The following EMCN variants were observed in gnomAD, a reference collection of about 807,000 sequenced individuals.
The protein encoded by EMCN is MUC-14.
A neutral mutation model predicts 38.4 loss-of-function variants in EMCN; 37 were observed. The observed-to-expected ratio is 0.96, with a 90% confidence interval of 0.74 to 1.27. EMCN has a LOEUF of 1.27. Among genes scored for constraint, EMCN ranks in the 50% most tolerant of loss-of-function variants. The pLI is 0.00. For missense variants in EMCN, 318 were observed against 302.8 expected, an observed-to-expected ratio of 1.05 and a Z score of -0.37; for synonymous variants, 95 against 100.8, an observed-to-expected ratio of 0.94 and a Z score of 0.35.
At chr4:100,447,615 T>G in intron 4 of EMCN, 44 bp from the exon 5 acceptor site, 1 of 1,248,566 alleles carries the variant, frequency 8.0e-7, no homozygotes, top group Non-Finnish European at 1.2e-6. Flanking sequence ...AATTAAATGT[T>G]GAATATCAGA....
intron 1 of EMCN, among the ~76,000 whole-genome samples, chr4:100,507,056 T>A (rs115332339): frequency 0.039 from 5,863 of 152,276 alleles, 130 homozygotes; most frequent in Non-Finnish European, 0.053. Flanking sequence ...CACTTGAAAC[T>A]TTGAAGGGAA....
In EMCN at chr4:100,448,839, C is replaced by CTTCCTTCCTTCCTTA. The variant is rs1560619352; in HGVS notation, c.377-1269_377-1268insTAAGGAAGGAAGGAA. Reference sequence around the variant, plus strand: ...TCCTTCCTTCCTCCCTCCCTCCCTCCCTCCCTTCCTTGCTTTCTGGCTTGC... The same window carrying CTTCCTTCCTTCCTTA: ...TCCTTCCTTCCTCCCTCCCTCCCTCCTTCCTTCCTTCCTTACTCCCTTCCTTGCTTTCTGGCTTGC... On this transcript the variant is annotated intron_variant, in intron 4 of 11. Transcript: ENST00000296420. 9.7e-4 allele frequency among the ~76,000 whole-genome samples: 145 copies of CTTCCTTCCTTCCTTA among 149,524 alleles called. 7 individuals are homozygous for CTTCCTTCCTTCCTTA. Among genetic ancestry groups the CTTCCTTCCTTCCTTA allele is most frequent in the African/African-American group, 3.6e-3 (143 of 40,074 alleles).
chr4:100,515,268 T>C (rs1015165344), intron 1 of EMCN, among the ~76,000 whole-genome samples: 1 of 152,056 alleles, frequency 6.6e-6, no homozygotes, highest in African/African-American at 2.4e-5. Context: ...AGTCAAAAGC[T>C]CATCCATACA....
chr4:100,456,497 T>C (rs1260585661), intron 4 of EMCN, among the ~76,000 whole-genome samples: 1 of 152,208 alleles, frequency 6.6e-6, no homozygotes, highest in Non-Finnish European at 1.5e-5. Context: ...TTGGCTTTAA[T>C]TATATTGCCA....
chr4:100,447,662 T>A (rs903110232), intron 4 of EMCN, 91 bp from the exon 5 acceptor site: 75 of 745,126 alleles, frequency 1.0e-4, no homozygotes, highest in Non-Finnish European at 1.6e-4. Context: ...TAAATGAGTA[T>A]GAATTTTAGC....
At chr4:100,498,385 T>C (rs1187615055) in intron 1 of EMCN, among the ~76,000 whole-genome samples, 2 of 152,196 alleles carry the variant, frequency 1.3e-5, no homozygotes, top group Admixed American at 6.5e-5. Context: ...AGTAACTCTC[T>C]TGGAGACATG....
chr4:100,507,013 T>C (rs1004969941), intron 1 of EMCN, among the ~76,000 whole-genome samples: 1 of 152,188 alleles, frequency 6.6e-6, no homozygotes, highest in African/African-American at 2.4e-5. Context: ...ACCAGAAATA[T>C]TTGTGTTTGG....
intron 11 of EMCN, among the ~76,000 whole-genome samples, chr4:100,401,237 A>G (rs563996284): frequency 6.6e-6 from 1 of 152,268 alleles, no homozygotes; most frequent in East Asian, 1.9e-4. Context: ...CACAGATTCA[A>G]CCAGCTGTGA....
intron 8 of EMCN, among the ~76,000 whole-genome samples, chr4:100,417,874 G>A (rs1726779865): frequency 6.6e-6 from 1 of 152,160 alleles, no homozygotes; most frequent in Non-Finnish European, 1.5e-5. Flanking sequence ...ATTGCATAAG[G>A]TTCCCCTTGT....
chr4:100,487,510 A>C (rs1337008661), intron 1 of EMCN, among the ~76,000 whole-genome samples: 2 of 152,162 alleles, frequency 1.3e-5, no homozygotes, highest in Non-Finnish European at 2.9e-5. Flanking sequence ...GGCTTTTGAT[A>C]GAGTTAGGAG....
chr4:100,435,496 G>A (rs540924065), intron 5 of EMCN, among the ~76,000 whole-genome samples: 83 of 151,976 alleles, frequency 5.5e-4, no homozygotes, highest in Admixed American at 1.2e-3. Flanking sequence ...AACTACTATT[G>A]ACATTCTTCA....
At chr4:100,513,533 T>A (rs1419394053) in intron 1 of EMCN, among the ~76,000 whole-genome samples, 1 of 152,172 alleles carries the variant, frequency 6.6e-6, no homozygotes, top group African/African-American at 2.4e-5. Flanking sequence ...TAGGAATGTA[T>A]CACATTGAGT....
At chr4:100,458,131 T>C (rs898313180) in intron 4 of EMCN, among the ~76,000 whole-genome samples, 2 of 152,082 alleles carry the variant, frequency 1.3e-5, no homozygotes, top group African/African-American at 4.8e-5. Flanking sequence ...AAAAAGTGTT[T>C]CCTTCTCTTT....
chr4:100,477,212 C>T (rs1342162654), intron 2 of EMCN, among the ~76,000 whole-genome samples: 3 of 152,260 alleles, frequency 2.0e-5, no homozygotes, highest in Admixed American at 1.3e-4. Flanking sequence ...AAATACTAGA[C>T]TATTCAATGT....
chr4:100,443,205 G>A (rs868497795), intron 5 of EMCN, among the ~76,000 whole-genome samples: 9 of 152,110 alleles, frequency 5.9e-5, no homozygotes, highest in African/African-American at 1.4e-4. Flanking sequence ...CTTCTTTGTC[G>A]CTAGTTATTG....
intron 4 of EMCN, among the ~76,000 whole-genome samples, chr4:100,452,951 G>T (rs1477651432): frequency 6.6e-6 from 1 of 152,100 alleles, no homozygotes; most frequent in Non-Finnish European, 1.5e-5. Context: ...TTAATAAATG[G>T]TGCTGGGAAA....
Position 100,480,059 on chromosome 4 carries a change from T to C in EMCN, c.65-20A>G, listed in dbSNP as rs1249581713. The C allele has an allele frequency of 6.2e-7, 1 of 1,600,074 alleles. No individual in the cohort carries two copies. Among genetic ancestry groups the C allele is most frequent in the East Asian group, 2.3e-5 (1 of 44,342 alleles). On this transcript the variant is annotated intron_variant, in intron 1 of 11. Transcript: ENST00000296420. ...AAACACCTGAAAAAAGTAAAGTAGT[T>C]GCATTAACATTTACATATAGTTTGC...
intron 1 of EMCN, among the ~76,000 whole-genome samples, chr4:100,505,858 G>T (rs913803986): frequency 3.3e-5 from 5 of 152,112 alleles, no homozygotes; most frequent in Non-Finnish European, 7.4e-5. Context: ...CTACAAGAGA[G>T]AAATTTTAAT....
intron 1 of EMCN, among the ~76,000 whole-genome samples, chr4:100,504,402 A>G (rs1046939437): frequency 1.3e-5 from 2 of 152,246 alleles, no homozygotes; most frequent in Admixed American, 6.5e-5. Context: ...GAGGGCACGA[A>G]CTTTTTCAGT....
Sources: allele counts gnomAD v4.1 joint callset (sites outside exome capture counted in the v4.1 genomes callset), GRCh38; gene constraint gnomAD v4.1.1; transcripts MANE v1.5; gene names NCBI Gene and HGNC (gene_info 2026-07-23, HGNC 2026-07-21).